Variants in PLEKHG1 observed in about 807,000 individuals in gnomAD.
PLEKHG1 encodes the protein pleckstrin homology and RhoGEF domain containing G1.
A neutral mutation model predicts 100.8 loss-of-function variants in PLEKHG1; 44 were observed. The observed-to-expected ratio is 0.44, with a 90% confidence interval of 0.34 to 0.56. The LOEUF (loss-of-function observed/expected upper bound fraction) is 0.56, where lower values mean the gene tolerates loss of function less well. Ranked by LOEUF, PLEKHG1 falls within the 20% of genes least tolerant of loss-of-function variation. The pLI, the probability that PLEKHG1 is intolerant of heterozygous loss-of-function variation, is 0.01. For missense variants in PLEKHG1, 1,545 were observed against 1,720.9 expected (o/e 0.90, Z 1.81); for synonymous variants, 640 against 662.5 (o/e 0.97, Z 0.52).
At chr6:150,778,613 CA>C (rs1181579413) in intron 3 of PLEKHG1, among the ~76,000 whole-genome samples, 52 of 152,296 alleles carry the variant, frequency 3.4e-4, no homozygotes, top group African/African-American at 1.3e-3. Context: ...GTTGTTTATT[CA>C]CACTTATTAG....
rs546449442 is a variant in PLEKHG1 at position 150,615,305 on chromosome 6, C to G, written c.-204+15288C>G. On this transcript the variant is annotated intron_variant, in intron 1 of 3. Transcript: ENST00000367326. ...TGGATAACCTATAACCTCAGCAGAG[C>G]TCAGTCCCCCTCCATAGCACAGAGG... Among the ~76,000 whole-genome samples the G allele has an allele frequency of 2.1e-3, 327 of 152,296 alleles. 1 individual carries two copies. Among genetic ancestry groups the G allele is most frequent in the Non-Finnish European group, 4.0e-3 (271 of 68,016 alleles).
At chr6:150,617,715 G>C (rs765979563) in intron 1 of PLEKHG1, among the ~76,000 whole-genome samples, 11 of 152,228 alleles carry the variant, frequency 7.2e-5, no homozygotes, top group Non-Finnish European at 1.3e-4. Flanking sequence ...AAGTCAGCTT[G>C]TGAAGCCAGG....
intron 15 of PLEKHG1, among the ~76,000 whole-genome samples, chr6:150,839,279 TA>T (rs1217748097): frequency 2.6e-5 from 4 of 152,120 alleles, no homozygotes; most frequent in African/African-American, 4.8e-5. Context: ...CATGCCTGGC[TA>T]AATTTTTGTA....
At chr6:150,839,188 C>T (rs1016348962) in intron 15 of PLEKHG1, among the ~76,000 whole-genome samples, 2 of 152,150 alleles carry the variant, frequency 1.3e-5, no homozygotes, top group Non-Finnish European at 2.9e-5. Flanking sequence ...GATCTTGGCT[C>T]ACTGCAGCCT....
At chr6:150,724,591 A>G (rs1455030215) in intron 1 of PLEKHG1, among the ~76,000 whole-genome samples, 2 of 107,932 alleles carry the variant, frequency 1.9e-5, no homozygotes, top group African/African-American at 7.7e-5. Flanking sequence ...ATGGAGTTTC[A>G]GTCTGTCACC....
At chr6:150,724,821 A>G (rs1781881539) in intron 1 of PLEKHG1, among the ~76,000 whole-genome samples, 1 of 152,146 alleles carries the variant, frequency 6.6e-6, no homozygotes. Flanking sequence ...TCTGCCTTCC[A>G]AAGTGCCAGG....
At chr6:150,780,500 T>A (rs1216081456) in intron 3 of PLEKHG1, among the ~76,000 whole-genome samples, 2 of 152,184 alleles carry the variant, frequency 1.3e-5, no homozygotes, top group Non-Finnish European at 2.9e-5. Flanking sequence ...CCTTAAACTC[T>A]TCCTTTTTTC....
chr6:150,813,376 C>G (rs1259014159), intron 10 of PLEKHG1, among the ~76,000 whole-genome samples: 1 of 151,746 alleles, frequency 6.6e-6, no homozygotes, highest in Non-Finnish European at 1.5e-5. Context: ...CATCAAAGAC[C>G]CAACTGAGGC....
intron 3 of PLEKHG1, among the ~76,000 whole-genome samples, chr6:150,783,886 A>T (rs1583123216): frequency 6.6e-6 from 1 of 152,026 alleles, no homozygotes; most frequent in Non-Finnish European, 1.5e-5. Flanking sequence ...TTTCTACTAA[A>T]TTTTTTTGTT....
chr6:150,762,518 C>G (rs1413832946), intron 2 of PLEKHG1, among the ~76,000 whole-genome samples: 5 of 151,944 alleles, frequency 3.3e-5, no homozygotes, highest in African/African-American at 1.2e-4. Context: ...CTTTTTCTTT[C>G]TTCCCTTTCT....
At chr6:150,739,411 T>C (rs773986686) in intron 2 of PLEKHG1, among the ~76,000 whole-genome samples, 3 of 152,154 alleles carry the variant, frequency 2.0e-5, no homozygotes, top group Non-Finnish European at 2.9e-5. Flanking sequence ...CTCATGCCTG[T>C]AATCCCAGCA....
chr6:150,608,376 T>C (rs1238471187), intron 1 of PLEKHG1, among the ~76,000 whole-genome samples: 1 of 152,248 alleles, frequency 6.6e-6, no homozygotes, highest in Non-Finnish European at 1.5e-5. Flanking sequence ...ATCTGTCATG[T>C]ATCAGAATGT....
intron 4 of PLEKHG1, among the ~76,000 whole-genome samples, chr6:150,795,204 C>T (rs1278695926): frequency 3.3e-5 from 5 of 152,042 alleles, no homozygotes; most frequent in Non-Finnish European, 7.4e-5. Context: ...GCCTGGCCAA[C>T]ATAGCAAAAC....
At chr6:150,739,556 C>T (rs116238119) in intron 2 of PLEKHG1, among the ~76,000 whole-genome samples, 1,799 of 151,720 alleles carry the variant, frequency 0.012, 36 homozygotes, top group African/African-American at 0.041. Context: ...TAGTCCCAGC[C>T]GCTTAGAAGG....
chr6:150,617,024 C>T (rs530174468), intron 1 of PLEKHG1, among the ~76,000 whole-genome samples: 1 of 152,298 alleles, frequency 6.6e-6, no homozygotes, highest in Admixed American at 6.5e-5. Context: ...TTTTTACCAA[C>T]ATTAAGAATT....
At chr6:150,677,713 AAAAG>A (rs1226256581) in intron 3 of PLEKHG1, among the ~76,000 whole-genome samples, 3 of 151,968 alleles carry the variant, frequency 2.0e-5, no homozygotes, top group African/African-American at 7.2e-5. Context: ...CTAAAAAAGA[AAAAG>A]AAAGTTTAAA....
In PLEKHG1 at chr6:150,840,695, C is replaced by T. The variant is rs752870612; in HGVS notation, c.3957C>T (p.Asn1319=). 1.9e-6 allele frequency: 3 copies of T among 1,614,196 alleles called. No individual in the cohort carries two copies. In the Admixed American group the frequency reaches 5.0e-5, roughly 27 times the overall value. Reference sequence around the variant, plus strand: ...TTTCTGATAATGTCTGCAGCGGCAACACATTGCATTCTTTGAATAGTCCGC... The same window carrying T: ...TTTCTGATAATGTCTGCAGCGGCAATACATTGCATTCTTTGAATAGTCCGC... The change falls in exon 16 of 16, where the codon AAC becomes AAT. Residue 1319 remains asparagine (N), a synonymous_variant. Transcript: ENST00000358517.
chr6:150,660,582 G>T (rs937913928), intron 3 of PLEKHG1, among the ~76,000 whole-genome samples: 3 of 152,128 alleles, frequency 2.0e-5, no homozygotes, highest in Admixed American at 6.5e-5. Context: ...TAAAAATGTG[G>T]CATCTTTCAG....
At chr6:150,793,807 C>T (rs1273121098) in intron 4 of PLEKHG1, among the ~76,000 whole-genome samples, 1 of 152,148 alleles carries the variant, frequency 6.6e-6, no homozygotes, top group Non-Finnish European at 1.5e-5. Flanking sequence ...CCAGGCCAGG[C>T]GTGGTGGCTC....
Sources: gnomAD v4.1 joint callset for allele counts (sites outside exome capture counted in the v4.1 genomes callset) on GRCh38, gnomAD v4.1.1 for gene constraint, MANE v1.5 for transcripts, NCBI Gene and HGNC (gene_info 2026-07-23, HGNC 2026-07-21) for gene names.